The following PDE4D variants were observed in gnomAD, a reference collection of about 807,000 sequenced individuals.
The protein encoded by PDE4D is 3',5'-cyclic-AMP phosphodiesterase 4D.
A neutral mutation model predicts 87.4 loss-of-function variants in PDE4D; 24 were observed. The ratio of observed to expected loss-of-function variants is 0.27; its 90% CI spans 0.20 to 0.39. The LOEUF (loss-of-function observed/expected upper bound fraction) is 0.39, where lower values mean the gene tolerates loss of function less well. Among genes scored for constraint, PDE4D ranks in the 10% least tolerant of loss-of-function variants. The pLI is 1.00. For missense variants in PDE4D, 714 were observed against 1,041.0 expected, an observed-to-expected ratio of 0.69 and a Z score of 4.32; for synonymous variants, 384 against 383.2, an observed-to-expected ratio of 1.00 and a Z score of -0.02.
chr5:60,197,970 TA>T (rs1741462924), intron 1 of PDE4D, among the ~76,000 whole-genome samples: 1 of 150,316 alleles, frequency 6.7e-6, no homozygotes, highest in Non-Finnish European at 1.5e-5. Flanking sequence ...TAACGAATGA[TA>T]AAGAGCAGTT....
intron 1 of PDE4D, among the ~76,000 whole-genome samples, chr5:60,340,632 A>G (rs1377630455): frequency 6.6e-6 from 1 of 150,690 alleles, no homozygotes; most frequent in Non-Finnish European, 1.5e-5. Flanking sequence ...AAAAACCACA[A>G]GTACTCTCAT....
intron 1 of PDE4D, among the ~76,000 whole-genome samples, chr5:59,448,097 G>C (rs1350026904): frequency 6.6e-6 from 1 of 152,228 alleles, no homozygotes; most frequent in Admixed American, 6.5e-5. Flanking sequence ...GTCAGGGGCA[G>C]ATTTTAAGAA....
intron 3 of PDE4D, among the ~76,000 whole-genome samples, chr5:59,923,870 C>T (rs1034956090): frequency 2.6e-5 from 4 of 152,174 alleles, no homozygotes; most frequent in Non-Finnish European, 4.4e-5. Context: ...AAAACGTGAT[C>T]TCACCAAACA....
chr5:59,330,887 T>C (rs1291737951), intron 1 of PDE4D, among the ~76,000 whole-genome samples: 1 of 152,152 alleles, frequency 6.6e-6, no homozygotes, highest in Non-Finnish European at 1.5e-5. Context: ...TGACACACAT[T>C]TCTGACATCG....
chr5:59,945,288 G>C (rs1054179119), intron 3 of PDE4D, among the ~76,000 whole-genome samples: 1 of 152,134 alleles, frequency 6.6e-6, no homozygotes, highest in African/African-American at 2.4e-5. Flanking sequence ...ATTTACTGTT[G>C]ACTAAAACAT....
At chr5:59,582,190 T>C (rs1340513501) in intron 1 of PDE4D, among the ~76,000 whole-genome samples, 2 of 152,200 alleles carry the variant, frequency 1.3e-5, no homozygotes, top group Non-Finnish European at 2.9e-5. Context: ...GACACTGCAA[T>C]AATTTTAAGT....
chr5:59,743,154 T>G (rs1349025284), intron 1 of PDE4D, among the ~76,000 whole-genome samples: 1 of 152,106 alleles, frequency 6.6e-6, no homozygotes, highest in Non-Finnish European at 1.5e-5. Context: ...AATTTTTTCC[T>G]TATTCTTCAT....
intron 1 of PDE4D, among the ~76,000 whole-genome samples, chr5:59,634,276 C>A (rs954849952): frequency 1.3e-5 from 2 of 152,156 alleles, no homozygotes; most frequent in African/African-American, 2.4e-5. Flanking sequence ...GACTTCCACA[C>A]AATACTAGTG....
intron 1 of PDE4D, among the ~76,000 whole-genome samples, chr5:59,452,860 T>C (rs1158788609): frequency 6.6e-6 from 1 of 152,196 alleles, no homozygotes; most frequent in African/African-American, 2.4e-5. Context: ...ACAAGGACTA[T>C]GGCTTAACAG....
intron 1 of PDE4D, among the ~76,000 whole-genome samples, chr5:60,465,232 T>C (rs1210890630): frequency 6.6e-6 from 1 of 152,212 alleles, no homozygotes; most frequent in East Asian, 1.9e-4. Context: ...CTTGGCATTA[T>C]TTCACTAAAC....
intron 5 of PDE4D, among the ~76,000 whole-genome samples, chr5:59,140,373 C>A (rs896935747): frequency 6.6e-6 from 1 of 152,182 alleles, no homozygotes; most frequent in Non-Finnish European, 1.5e-5. Context: ...TCATGTCCTG[C>A]ACATTGGGTC....
intron 1 of PDE4D, among the ~76,000 whole-genome samples, chr5:59,854,629 A>T (rs1745146130): frequency 6.6e-6 from 1 of 152,042 alleles, no homozygotes; most frequent in African/African-American, 2.4e-5. Context: ...GGTTCTTTAA[A>T]ACTCTGTATC....
At chr5:59,921,782 G>T (rs1754696716) in intron 3 of PDE4D, among the ~76,000 whole-genome samples, 1 of 152,146 alleles carries the variant, frequency 6.6e-6, no homozygotes, top group Non-Finnish European at 1.5e-5. Flanking sequence ...ATTTTGGAAA[G>T]GCAGAGCAAG....
chr5:59,773,573 T>G (rs2152611167), intron 1 of PDE4D, among the ~76,000 whole-genome samples: 1 of 152,264 alleles, frequency 6.6e-6, no homozygotes. Flanking sequence ...TCCTGAGATG[T>G]TTTTTGTTTT....
intron 1 of PDE4D, among the ~76,000 whole-genome samples, chr5:60,498,408 C>T (rs940993374): frequency 2.0e-5 from 3 of 152,170 alleles, no homozygotes; most frequent in Non-Finnish European, 4.4e-5. Context: ...GTTGAGTCCC[C>T]AGAGTGTAAA....
At chr5:59,799,261 T>C (rs1342801238) in intron 1 of PDE4D, among the ~76,000 whole-genome samples, 1 of 152,198 alleles carries the variant, frequency 6.6e-6, no homozygotes, top group Non-Finnish European at 1.5e-5. Flanking sequence ...CTTGGAGATC[T>C]TGGAGTTAAC....
At chr5:59,745,643 G>C (rs1394963575) in intron 1 of PDE4D, among the ~76,000 whole-genome samples, 1 of 151,988 alleles carries the variant, frequency 6.6e-6, no homozygotes, top group East Asian at 1.9e-4. Context: ...CATAAAATAC[G>C]CACCAGGAGC....
At chr5:59,315,057 A>T (rs1034925056) in intron 1 of PDE4D, among the ~76,000 whole-genome samples, 11 of 152,142 alleles carry the variant, frequency 7.2e-5, no homozygotes, top group African/African-American at 2.7e-4. Context: ...AATCTGTGAG[A>T]TGGGAGCCTG....
chr5:59,579,813 G>T (rs1436173766), intron 1 of PDE4D, among the ~76,000 whole-genome samples: 1 of 152,216 alleles, frequency 6.6e-6, no homozygotes, highest in African/African-American at 2.4e-5. Flanking sequence ...TCTGTTCAAA[G>T]TGTGACACCT....
Sources: allele counts gnomAD v4.1 joint callset (sites outside exome capture counted in the v4.1 genomes callset), GRCh38; gene constraint gnomAD v4.1.1; transcripts MANE v1.5; gene names NCBI Gene and HGNC (gene_info 2026-07-23, HGNC 2026-07-21).